AKNA: variants seen among roughly 807,000 people sequenced by gnomAD.
AKNA encodes the protein microtubule organization protein AKNA.
AKNA carries 67 observed loss-of-function variants against 138.8 expected under a neutral mutation model. That is an observed-to-expected ratio of 0.48 (90% CI 0.40 to 0.59). The LOEUF is 0.59. AKNA is among the 20% of genes least tolerant of loss of function. AKNA has a pLI of 0.00. For missense variants in AKNA, 1,813 were observed against 1,880.4 expected (o/e 0.96, Z 0.66); for synonymous variants, 737 against 754.4 (o/e 0.98, Z 0.38).
intron 2 of AKNA, among the ~76,000 whole-genome samples, chr9:114,379,042 C>G (rs1407375365): frequency 2.0e-5 from 3 of 152,358 alleles, no homozygotes; most frequent in African/African-American, 7.2e-5. Context: ...ATACTTGAAG[C>G]CCAGGGAGGT....
At position 114,342,087 on chromosome 9, in the gene AKNA, C is replaced by T. The variant is rs769223679; in HGVS notation, c.3796G>A (p.Ala1266Thr). 51 of 1,610,216 alleles carry T rather than the reference C, an allele frequency of 3.2e-5. No individual in the cohort carries two copies. Among genetic ancestry groups the T allele is most frequent in the Non-Finnish European group, 3.6e-5 (42 of 1,178,484 alleles). Residue 1266 changes from alanine to threonine, a missense_variant, in exon 20 of 22, where the codon GCT becomes ACT. Ala to Thr is a moderately conservative substitution (Grantham distance 58). Coordinates refer to ENST00000374088, the MANE Select transcript of AKNA (RefSeq NM_001317950.2). ...VTGDPLGPPP[A>T]DTLQCPLCGQ... ...CACAGGGGACACTGAAGGGTATCAG[C>T]GGGAGGCGGTCCCAGTGGGTCCCCT...
rs549879980 is a variant in AKNA at position 114,374,325 on chromosome 9, T to C, written c.1342-158A>G. Among the ~76,000 whole-genome samples, 138 of 152,334 alleles carry C rather than the reference T, an allele frequency of 9.1e-4. 1 individual carries two copies. Among genetic ancestry groups the C allele is most frequent in the African/African-American group, 3.2e-3 (135 of 41,568 alleles). The stretch of plus-strand genomic sequence containing the variant: ...ATCCGAGCTGAGCAATCTTCAGGCT[T>C]GTGTGCAACACAGACCCACCACGTT... On this transcript the variant is annotated intron_variant, in intron 3 of 21. Transcript: ENST00000374088.
Position 114,346,733 on chromosome 9 carries a change from G to T in AKNA, c.3450C>A (p.Val1150=), listed in dbSNP as rs746436496. The part of the protein sequence containing the change: ...PGEPRGEEQI[V]PPGRQRARSS... ...ACCTGGCTCGCTGCCTTCCTGGAGG[G>T]ACAATCTGCTCTTCACCTCTAGGCT... is the stretch of plus-strand genomic sequence containing the variant. The change falls in exon 17 of 22, where the codon GTC becomes GTA. Residue 1150 remains valine, a synonymous_variant. Coordinates refer to ENST00000374088, the MANE Select transcript of AKNA (RefSeq NM_001317950.2). The T allele has an allele frequency of 1.9e-6, 3 of 1,613,256 alleles. No homozygotes were observed. In the South Asian group the frequency reaches 3.3e-5, roughly 18 times the overall value.
intron 4 of AKNA, among the ~76,000 whole-genome samples, chr9:114,371,244 G>A (rs56294298): frequency 0.055 from 8,430 of 152,322 alleles, 312 homozygotes; most frequent in Non-Finnish European, 0.086. Flanking sequence ...GTCTAGTTCT[G>A]CTAGAGTGTG....
intron 15 of AKNA, among the ~76,000 whole-genome samples, chr9:114,350,555 C>A (rs535702316): frequency 6.6e-6 from 1 of 152,136 alleles, no homozygotes; most frequent in Non-Finnish European, 1.5e-5. Context: ...AAAAGATAGC[C>A]CTAGAAAGGA....
chr9:114,379,898 C>T (rs1833514795), intron 2 of AKNA, among the ~76,000 whole-genome samples: 1 of 152,162 alleles, frequency 6.6e-6, no homozygotes, highest in Non-Finnish European at 1.5e-5. Context: ...CATCTGTAAT[C>T]CCAGCATTTT....
At chr9:114,386,274 G>T (rs897877555) in intron 1 of AKNA, among the ~76,000 whole-genome samples, 2 of 147,104 alleles carry the variant, frequency 1.4e-5, no homozygotes, top group South Asian at 2.1e-4. Flanking sequence ...TTTAAACGGT[G>T]GGGGGTAGTA....
chr9:114,360,177 C>T, intron 9 of AKNA, 115 bp from the exon 10 acceptor site: 1 of 1,257,730 alleles, frequency 8.0e-7, no homozygotes, highest in South Asian at 1.3e-5. Flanking sequence ...GCACATTAGA[C>T]TCACTAAGCC....
chr9:114,367,388 G>A (rs1400832975), intron 6 of AKNA, among the ~76,000 whole-genome samples, 155 bp downstream of exon 6: 1 of 152,130 alleles, frequency 6.6e-6, no homozygotes, highest in Non-Finnish European at 1.5e-5. Context: ...AAACCAGGGA[G>A]GGGCTCATGT....
intron 15 of AKNA, among the ~76,000 whole-genome samples, chr9:114,349,226 G>A: frequency 1.3e-5 from 2 of 152,178 alleles, no homozygotes; most frequent in East Asian, 3.8e-4. Flanking sequence ...AGCCACTTGG[G>A]TATCTCAGTC....
intron 14 of AKNA, among the ~76,000 whole-genome samples, chr9:114,351,270 C>T (rs1199037609): frequency 6.6e-6 from 1 of 152,194 alleles, no homozygotes; most frequent in African/African-American, 2.4e-5. Context: ...TCCCACCCAC[C>T]ATGACACCAT....
At chr9:114,359,472 A>G in intron 11 of AKNA, 122 bp downstream of exon 11, 1 of 1,560,788 alleles carries the variant, frequency 6.4e-7, no homozygotes, top group Non-Finnish European at 8.6e-7. Context: ...CCACACTTGA[A>G]GAGGCAGGAC....
intron 14 of AKNA, among the ~76,000 whole-genome samples, chr9:114,354,700 G>A (rs1462748274): frequency 1.5e-5 from 2 of 136,076 alleles, no homozygotes; most frequent in African/African-American, 2.9e-5. Context: ...GTGAAAGAGC[G>A]AGACTCTGTC....
intron 14 of AKNA, 133 bp from the exon 15 acceptor site, chr9:114,351,154 G>A: frequency 3.3e-6 from 3 of 922,242 alleles, no homozygotes; most frequent in Non-Finnish European, 4.9e-6. Flanking sequence ...AGTTCCTGAT[G>A]AGGCCAATGA....
intron 7 of AKNA, among the ~76,000 whole-genome samples, chr9:114,364,188 C>A (rs999472656): frequency 6.6e-6 from 1 of 152,056 alleles, no homozygotes; most frequent in South Asian, 2.1e-4. Context: ...GAGAGACAGA[C>A]CTGGCTCCAG....
intron 14 of AKNA, among the ~76,000 whole-genome samples, chr9:114,354,263 CACATTAG>C (rs1831330683): frequency 6.6e-6 from 1 of 152,108 alleles, no homozygotes; most frequent in East Asian, 1.9e-4. Flanking sequence ...GACACACACA[CACATTAG>C]CCTAGGCCTG....
rs533258885 is a variant in AKNA, at chr9:114,383,074, A to C, written c.-113-1628T>G. 236 of 454,924 alleles carry C rather than the reference A, an allele frequency of 5.2e-4. 2 individuals carry two copies. Among genetic ancestry groups the C allele is most frequent in the African/African-American group, 4.5e-3 (228 of 50,132 alleles). 28.2% of individuals were successfully genotyped at this position (454,924 alleles called of 1,614,324 possible). ...GCAAGCCTACCAGGGGCTTTCCTGG[A>C]CCTGGGAGTGGTTTCGCCGCCGATG... On this transcript the variant is annotated intron_variant, in intron 1 of 21. Coordinates refer to ENST00000374088, the MANE Select transcript of AKNA (RefSeq NM_001317950.2).
chr9:114,394,085 A>G (rs11999839), intron 1 of AKNA, among the ~76,000 whole-genome samples: 4,131 of 152,186 alleles, frequency 0.027, 199 homozygotes, highest in African/African-American at 0.094. Context: ...AGGCAGGAGA[A>G]CTGCCTCAAC....
chr9:114,378,334 A>C (rs1833395009), intron 2 of AKNA, among the ~76,000 whole-genome samples: 1 of 152,208 alleles, frequency 6.6e-6, no homozygotes, highest in Non-Finnish European at 1.5e-5. Context: ...GACTAGGTCA[A>C]GTTCTCCCTT....
Sources: gnomAD v4.1 joint callset for allele counts (sites outside exome capture counted in the v4.1 genomes callset) on GRCh38, gnomAD v4.1.1 for gene constraint, MANE v1.5 for transcripts, NCBI Gene and HGNC (gene_info 2026-07-23, HGNC 2026-07-21) for gene names.